The following ETFB variants were observed in gnomAD, a reference collection of about 807,000 sequenced individuals.
ETFB encodes the protein beta-ETF.
ETFB carries 20 observed loss-of-function variants against 25.6 expected under a neutral mutation model. That is an observed-to-expected ratio of 0.78 (90% CI 0.55 to 1.14). The LOEUF is 1.14. Ranked by LOEUF, ETFB falls within the 50% of genes most tolerant of loss-of-function variation. The pLI, the probability that ETFB is intolerant of heterozygous loss-of-function variation, is 0.00. For synonymous variants in ETFB, 142 were observed against 146.7 expected, an observed-to-expected ratio of 0.97 and a Z score of 0.23; for missense variants, 286 against 342.6, an observed-to-expected ratio of 0.83 and a Z score of 1.30.
chr19:51,357,490 CTT>C (rs59847031), intron 1 of ETFB, among the ~76,000 whole-genome samples: 37 of 109,144 alleles, frequency 3.4e-4, no homozygotes, highest in African/African-American at 1.5e-3. Flanking sequence ...TTCTTTCTTT[CTT>C]TTTTTTTTTT....
At chr19:51,362,933 C>T (rs778881696) in intron 1 of ETFB, among the ~76,000 whole-genome samples, 6 of 152,204 alleles carry the variant, frequency 3.9e-5, no homozygotes, top group Non-Finnish European at 8.8e-5. Flanking sequence ...ACACCAGCTT[C>T]CCTCTGGGGA....
chr19:51,353,647 C>CAG (rs1201353993), intron 2 of ETFB, among the ~76,000 whole-genome samples: 46 of 88,978 alleles, frequency 5.2e-4, no homozygotes, highest in South Asian at 8.6e-4. Flanking sequence ...GAGTCCGGGC[C>CAG]CCCATCCCCT....
At chr19:51,362,897 A>T (rs1986265298) in intron 1 of ETFB, among the ~76,000 whole-genome samples, 1 of 152,146 alleles carries the variant, frequency 6.6e-6, no homozygotes, top group African/African-American at 2.4e-5. Flanking sequence ...CAATAAGTAA[A>T]CAACACTGTG....
At chr19:51,353,016 G>A in intron 3 of ETFB, 116 bp downstream of exon 3, 1 of 1,284,690 alleles carries the variant, frequency 7.8e-7, no homozygotes, top group Non-Finnish European at 1.1e-6. Context: ...AAGCTGCTCA[G>A]CCTGGAGTGG....
chr19:51,363,837 A>G (rs1048744593), intron 1 of ETFB, among the ~76,000 whole-genome samples: 2 of 152,152 alleles, frequency 1.3e-5, no homozygotes, highest in African/African-American at 2.4e-5. Context: ...GTGCTGGAAG[A>G]AGGCATGGAA....
chr19:51,350,359 C>G lies in ETFB; in HGVS notation c.408G>C (p.Gln136His). ...AIDDDCNQTG[Q>H]MTAGFLDWPQ... Reference sequence around the variant, plus strand: ...GCCAGTCAAGAAATCCAGCTGTCATCTGCCCTGTCTGGTTACAGTCATCAT... The same window carrying G: ...GCCAGTCAAGAAATCCAGCTGTCATGTGCCCTGTCTGGTTACAGTCATCAT... Residue 136 changes from glutamine (Q) to histidine (H), a missense_variant, in exon 4 of 6, where the codon CAG (glutamine) becomes CAC (histidine). Transcript: ENST00000309244. 6.2e-7 allele frequency: 1 copy of G among 1,607,328 alleles called. No homozygotes were observed. The highest frequency in any genetic ancestry group is 8.5e-7 in the Non-Finnish European group (1 of 1,175,434).
chr19:51,361,138 C>G (rs549586680), intron 1 of ETFB, among the ~76,000 whole-genome samples: 3 of 152,012 alleles, frequency 2.0e-5, no homozygotes, highest in Admixed American at 6.6e-5. Flanking sequence ...GTCATGTTGG[C>G]CAGGCTGGTC....
At chr19:51,350,221 A>C (rs1259521491) in intron 4 of ETFB, 108 bp downstream of exon 4, 3 of 1,237,566 alleles carry the variant, frequency 2.4e-6, no homozygotes, top group African/African-American at 3.0e-5. Flanking sequence ...ATCCGAGGGA[A>C]CAGTGTTCCA....
chr19:51,356,933 C>T (rs1244435612), intron 1 of ETFB: 1 of 152,208 alleles, frequency 6.6e-6, no homozygotes, highest in Non-Finnish European at 1.5e-5. Context: ...CTTCTCCTCT[C>T]TCTGCGTGTC....
rs747618707 is a variant in ETFB at position 51,366,335 on chromosome 19, C to G, written c.-9G>C. On this transcript the variant is annotated 5_prime_UTR_variant, in exon 1 of 6. Coordinates refer to ENST00000309244, the MANE Select transcript of ETFB (RefSeq NM_001985.3). ...ACGCGCAGCTCCGCCATCTTCCCGC[C>G]GCAGCCACTTACAGGGTCAGCCCGC... 6.2e-7 allele frequency: 1 copy of G among 1,612,488 alleles called. No individual in the cohort carries two copies. Among genetic ancestry groups the G allele is most frequent in the Admixed American group, 1.7e-5 (1 of 59,974 alleles).
chr19:51,354,793 G>A (rs1170097173), intron 1 of ETFB: 1 of 790,304 alleles, frequency 1.3e-6, no homozygotes, highest in Non-Finnish European at 2.0e-6. Context: ...CAACAATAGA[G>A]CAGCCTGGGG....
chr19:51,347,592 C>G (rs1215694353), intron 4 of ETFB: 1 of 156,444 alleles, frequency 6.4e-6, no homozygotes, highest in African/African-American at 2.4e-5. Context: ...CCTTCTGGGA[C>G]CCCGTCCTCT....
At chr19:51,363,366 C>A (rs1230826894) in intron 1 of ETFB, among the ~76,000 whole-genome samples, 1 of 152,070 alleles carries the variant, frequency 6.6e-6, no homozygotes, top group Non-Finnish European at 1.5e-5. Flanking sequence ...ACTGCAGAAG[C>A]CCCCAGGGAT....
In ETFB at chr19:51,354,422, C is replaced by A. The variant is rs747250184; in HGVS notation, c.58-114G>T. On this transcript the variant is annotated intron_variant, in intron 1 of 5. Coordinates refer to ENST00000309244, the MANE Select transcript of ETFB (RefSeq NM_001985.3). ...AGGACAACGACAGCCTGGAAAGGGG[C>A]AGGGCCTTGTCCGGGGTCACACAGC... is the stretch of plus-strand genomic sequence containing the variant. 21 of 1,613,770 alleles carry A rather than the reference C, an allele frequency of 1.3e-5. No individual in the cohort carries two copies. Among genetic ancestry groups the A allele is most frequent in the Non-Finnish European group, 1.7e-5 (20 of 1,179,798 alleles).
chr19:51,358,690 T>A (rs1986140917), intron 1 of ETFB, among the ~76,000 whole-genome samples: 1 of 152,102 alleles, frequency 6.6e-6, no homozygotes, highest in Admixed American at 6.6e-5. Context: ...ACGCCTGTAA[T>A]TGCAGCTACT....
chr19:51,357,482 CTT>C (rs1986111532), intron 1 of ETFB, among the ~76,000 whole-genome samples: 1 of 83,724 alleles, frequency 1.2e-5, no homozygotes, highest in Non-Finnish European at 2.5e-5. Context: ...TCCTTTTTTT[CTT>C]TCTTTCTTTT....
Position 51,353,277 on chromosome 19 carries a change from G to A in ETFB, c.230C>T (p.Thr77Ile), listed in dbSNP as rs1299213601. 3 of 1,613,910 alleles carry A rather than the reference G, an allele frequency of 1.9e-6. No homozygotes were observed. The highest frequency in any genetic ancestry group is 2.5e-6 in the Non-Finnish European group (3 of 1,179,998). Residue 77 changes from threonine to isoleucine, a missense_variant, in exon 3 of 6, where the codon ACC becomes ATC. Transcript: ENST00000309244. ...GPAQCQETIRTALAMGADRGI... is the reference protein window; with the variant it reads ...GPAQCQETIRIALAMGADRGI... The stretch of plus-strand genomic sequence containing the variant: ...TCGGTCTGCACCCATGGCCAGGGCG[G>A]TACGAATCGTCTCCTGCCAAGGACA...
At chr19:51,350,507 C>G in intron 3 of ETFB, 116 bp from the exon 4 acceptor site, 1 of 662,746 alleles carries the variant, frequency 1.5e-6, no homozygotes, top group South Asian at 1.5e-5. Flanking sequence ...CTTTTTGAGA[C>G]GGAGTCTTGC....
rs773313415 is a variant in ETFB at position 51,347,016 on chromosome 19, T to C, written c.481A>G (p.Lys161Glu). The change falls in exon 5 of 6, where the codon AAA (lysine) becomes GAA (glutamate). Residue 161 changes from lysine to glutamate, a missense_variant. Physicochemically the swap from Lys to Glu is moderately conservative, Grantham distance 56 (BLOSUM62 1). Coordinates refer to ENST00000309244, the MANE Select transcript of ETFB (RefSeq NM_001985.3). ...SQVTLEGDKL[K>E]VEREIDGGLE... is the part of the protein sequence containing the mutation. ...CCCCCATCGATCTCCCGCTCCACTT[T>C]CAACTTGTCCCCCTCCAGCGTCACC... 1 of 1,613,440 alleles carries C rather than the reference T, an allele frequency of 6.2e-7. No individual in the cohort carries two copies. Among genetic ancestry groups the C allele is most frequent in the Non-Finnish European group, 8.5e-7 (1 of 1,179,796 alleles).
Sources: allele counts gnomAD v4.1 joint callset (sites outside exome capture counted in the v4.1 genomes callset), GRCh38; gene constraint gnomAD v4.1.1; transcripts MANE v1.5; gene names NCBI Gene and HGNC (gene_info 2026-07-23, HGNC 2026-07-21).